Variants in CTTNBP2 observed in about 807,000 individuals in gnomAD.
CTTNBP2 encodes cortactin-binding protein 2.
Under a neutral mutation model 156.9 loss-of-function variants are expected in CTTNBP2, and 108 were observed. That is an observed-to-expected ratio of 0.69 (90% confidence interval 0.59 to 0.81). CTTNBP2 has a LOEUF of 0.81. CTTNBP2 is among the 30% of genes least tolerant of loss of function. CTTNBP2 has a pLI of 0.00. For missense variants in CTTNBP2, 1,924 were observed against 2,035.4 expected (o/e 0.95, Z 1.05); for synonymous variants, 767 against 751.8 (o/e 1.02, Z -0.33).
In CTTNBP2 at chr7:117,719,637, C is replaced by T. The variant is rs1363173048; in HGVS notation, c.4512-1G>A. 2 of 1,608,630 alleles carry T rather than the reference C, an allele frequency of 1.2e-6. No individual in the cohort carries two copies. The highest frequency in any genetic ancestry group is 1.3e-5 in the African/African-American group (1 of 74,786). ...CAGTGATAGATCATTCTCTAAAGAC[C>T]TAACACAAAGTTCAGAAAAACGTTT... On this transcript the variant is annotated splice_acceptor_variant, in intron 20 of 22. Transcript: ENST00000160373. LOFTEE classifies it high-confidence loss of function.
intron 12 of CTTNBP2, among the ~76,000 whole-genome samples, chr7:117,748,401 T>G (rs930786713): frequency 3.3e-5 from 5 of 152,188 alleles, no homozygotes; most frequent in African/African-American, 1.2e-4. Context: ...AATTTTTTGG[T>G]AATTTCTCCT....
At chr7:117,728,044 C>T (rs1430428982) in intron 17 of CTTNBP2, 45 bp downstream of exon 17, 1 of 1,556,838 alleles carries the variant, frequency 6.4e-7, no homozygotes, top group Middle Eastern at 1.7e-4. Flanking sequence ...CTGAATTGGC[C>T]ACGTCTCTAT....
chr7:117,749,740 A>G (rs1796527225), intron 12 of CTTNBP2, among the ~76,000 whole-genome samples: 1 of 152,116 alleles, frequency 6.6e-6, no homozygotes, highest in Non-Finnish European at 1.5e-5. Flanking sequence ...AAGATGGTAG[A>G]GGAAGGATGA....
At chr7:117,802,506 C>T (rs1336622950) in intron 3 of CTTNBP2, among the ~76,000 whole-genome samples, 1 of 149,278 alleles carries the variant, frequency 6.7e-6, no homozygotes, top group Non-Finnish European at 1.5e-5. Context: ...GCTAAGACCT[C>T]GAAAGCAATC....
chr7:117,848,108 C>A (rs924043672), intron 2 of CTTNBP2, among the ~76,000 whole-genome samples: 2 of 152,044 alleles, frequency 1.3e-5, no homozygotes, highest in African/African-American at 4.8e-5. Context: ...TGAGCCACCA[C>A]GCCTGGCCTG....
Position 117,735,021 on chromosome 7 carries a change from G to T in CTTNBP2, c.3768C>A (p.Gly1256=), listed in dbSNP as rs749663962. The T allele has an allele frequency of 5.5e-5, 88 of 1,614,110 alleles. No homozygotes were observed. The highest frequency in any genetic ancestry group is 7.4e-5 in the Non-Finnish European group (87 of 1,180,024). Residue 1256 remains glycine (G), a synonymous_variant, in exon 16 of 23, where the codon GGC becomes GGA. Coordinates refer to ENST00000160373, the MANE Select transcript of CTTNBP2 (RefSeq NM_033427.3). ...AATGCTGCTGCACCAGCAAGTCGGA[G>T]CCCTGGAGACAGGCCTTGGCGATGG... ...MGTIAKACLQ[G]SDLLVQQHFR... is the part of the protein sequence containing the mutation.
intron 15 of CTTNBP2, 82 bp from the exon 16 acceptor site, chr7:117,735,182 A>C: frequency 6.3e-7 from 1 of 1,588,258 alleles, no homozygotes; most frequent in Middle Eastern, 1.7e-4. Context: ...CGTAAAGAAC[A>C]TGAAGTATAA....
At chr7:117,736,388 T>G (rs1349340252) in intron 14 of CTTNBP2, among the ~76,000 whole-genome samples, 1 of 151,932 alleles carries the variant, frequency 6.6e-6, no homozygotes, top group African/African-American at 2.4e-5. Flanking sequence ...CCCAGTGAGC[T>G]GTGACTGTGC....
intron 2 of CTTNBP2, among the ~76,000 whole-genome samples, chr7:117,839,848 AG>A (rs2117125458): frequency 1.3e-5 from 2 of 152,322 alleles, no homozygotes; most frequent in East Asian, 3.9e-4. Flanking sequence ...ATAGTTTTAA[AG>A]TAGGCTTTAT....
At chr7:117,804,126 C>A (rs1171527707) in intron 3 of CTTNBP2, among the ~76,000 whole-genome samples, 1 of 152,050 alleles carries the variant, frequency 6.6e-6, no homozygotes. Context: ...ACATACCTGG[C>A]TAATTTTTGT....
rs937029378 is a variant in CTTNBP2, at chr7:117,770,248, T to A, written c.2779-3072A>T. Among the ~76,000 whole-genome samples the A allele has an allele frequency of 2.0e-5, 3 of 152,154 alleles. No homozygotes were observed. In the South Asian group the frequency reaches 6.2e-4, roughly 32 times the overall value. On this transcript the variant is annotated intron_variant, in intron 8 of 22. Transcript: ENST00000160373. ...GTTTGCAATACTCCTGAACTGAGAG[T>A]CTTTTATTTCTGGCCGTCAAAGTAG...
At chr7:117,769,817 G>T (rs1443790291) in intron 8 of CTTNBP2, among the ~76,000 whole-genome samples, 2 of 152,124 alleles carry the variant, frequency 1.3e-5, no homozygotes, top group Non-Finnish European at 2.9e-5. Flanking sequence ...CATTTATTTT[G>T]CAAGTTAGAA....
intron 8 of CTTNBP2, among the ~76,000 whole-genome samples, chr7:117,774,530 T>C (rs1039303215): frequency 6.6e-6 from 1 of 152,036 alleles, no homozygotes; most frequent in African/African-American, 2.4e-5. Flanking sequence ...CTCATAGGAG[T>C]GTGACCCCTA....
In CTTNBP2 at chr7:117,777,631, C is replaced by A. The variant is rs1470039779; in HGVS notation, c.2658G>T (p.Leu886Phe). 6.2e-7 allele frequency: 1 copy of A among 1,614,006 alleles called. No individual in the cohort carries two copies. The highest frequency in any genetic ancestry group is 8.5e-7 in the Non-Finnish European group (1 of 1,179,984). ...CTTCAGGACTCTCTTCTCCTCCATC[C>A]AAGTCAAAGACACTTGACTCGGACT... is the stretch of plus-strand genomic sequence containing the variant. ...EEESESSVFD[L>F]DGGEESPEGI... The change falls in exon 8 of 23, where the codon TTG becomes TTT. Residue 886 changes from leucine (L) to phenylalanine (F), a missense_variant. Coordinates refer to ENST00000160373, the MANE Select transcript of CTTNBP2 (RefSeq NM_033427.3).
chr7:117,816,028 C>G (rs1432322036), intron 2 of CTTNBP2, among the ~76,000 whole-genome samples: 1 of 152,192 alleles, frequency 6.6e-6, no homozygotes, highest in East Asian at 1.9e-4. Flanking sequence ...GCAGATGTAT[C>G]CTTGAAGAAA....
chr7:117,851,908 A>G (rs1176158515), intron 2 of CTTNBP2, among the ~76,000 whole-genome samples: 1 of 152,188 alleles, frequency 6.6e-6, no homozygotes, highest in African/African-American at 2.4e-5. Flanking sequence ...GCACTCACGG[A>G]AAGAGACTCA....
rs796578984 is a variant in CTTNBP2 at position 117,795,030 on chromosome 7, T to G, written c.415-2249A>C. The stretch of plus-strand genomic sequence containing the variant: ...CTGCCTCAGCCTCCCGAGTAGCTGG[T>G]ACTACAGGCGCCCGCCACCGCGCCC... On this transcript the variant is annotated intron_variant, in intron 3 of 22. Transcript: ENST00000160373. 8.7e-4 allele frequency among the ~76,000 whole-genome samples: 132 copies of G among 151,542 alleles called. 3 individuals carry two copies. The highest frequency in any genetic ancestry group is 3.0e-3 in the African/African-American group (125 of 41,372).
intron 3 of CTTNBP2, among the ~76,000 whole-genome samples, chr7:117,800,292 C>T (rs115969240): frequency 1.3e-5 from 2 of 151,980 alleles, no homozygotes; most frequent in Non-Finnish European, 2.9e-5. Context: ...ATAGGTAAGA[C>T]TAATCCATGA....
intron 1 of CTTNBP2, among the ~76,000 whole-genome samples, chr7:117,871,286 G>A (rs568897937): frequency 2.6e-5 from 4 of 152,242 alleles, no homozygotes; most frequent in African/African-American, 7.2e-5. Flanking sequence ...TGATATGAGA[G>A]AACCATGCCT....
Sources: allele counts gnomAD v4.1 joint callset (sites outside exome capture counted in the v4.1 genomes callset), GRCh38; gene constraint gnomAD v4.1.1; transcripts MANE v1.5; gene names NCBI Gene and HGNC (gene_info 2026-07-23, HGNC 2026-07-21).